Variants in UBAC2 observed in about 807,000 individuals in gnomAD.
UBAC2 encodes UBA domain containing 2.
A neutral mutation model predicts 44.0 loss-of-function variants in UBAC2; 26 were observed. The ratio of observed to expected loss-of-function variants is 0.59; its 90% CI spans 0.43 to 0.82. UBAC2 has a LOEUF of 0.82. Among genes scored for constraint, UBAC2 ranks in the 40% least tolerant of loss-of-function variants. The probability of loss-of-function intolerance (pLI) is 0.00; values close to 1 mark genes in which losing one functional copy is unlikely to be tolerated. For synonymous variants in UBAC2, 155 were observed against 154.3 expected, an observed-to-expected ratio of 1.00 and a Z score of -0.04; for missense variants, 329 against 419.4, an observed-to-expected ratio of 0.78 and a Z score of 1.88.
At chr13:99,264,134 A>ACC (rs879780928) in intron 4 of UBAC2, among the ~76,000 whole-genome samples, 1 of 152,060 alleles carries the variant, frequency 6.6e-6, no homozygotes, top group African/African-American at 2.4e-5. Flanking sequence ...GGAAGGAGAG[A>ACC]CCCCAGTCAA....
chr13:99,268,867 T>G (rs1400010720), intron 4 of UBAC2, among the ~76,000 whole-genome samples: 1 of 151,978 alleles, frequency 6.6e-6, no homozygotes, highest in African/African-American at 2.4e-5. Flanking sequence ...AGATGGAGAT[T>G]GGCCATGGGA....
intron 4 of UBAC2, among the ~76,000 whole-genome samples, chr13:99,291,486 TC>T (rs1377593687): frequency 6.6e-6 from 1 of 152,140 alleles, no homozygotes. Context: ...ATTACAATGG[TC>T]CAAAAAGTAA....
intron 1 of UBAC2, among the ~76,000 whole-genome samples, chr13:99,234,104 T>C (rs2043206402): frequency 6.6e-6 from 1 of 151,694 alleles, no homozygotes; most frequent in African/African-American, 2.4e-5. Context: ...TCAGCGGTTT[T>C]CCTAGATTGA....
chr13:99,262,797 C>G (rs945596273), intron 4 of UBAC2, among the ~76,000 whole-genome samples: 1 of 144,588 alleles, frequency 6.9e-6, no homozygotes, highest in Admixed American at 7.0e-5. Flanking sequence ...TAAACATAAA[C>G]CTATATAATA....
intron 6 of UBAC2, among the ~76,000 whole-genome samples, chr13:99,323,187 G>A (rs1021944918): frequency 6.6e-6 from 1 of 152,036 alleles, no homozygotes; most frequent in Non-Finnish European, 1.5e-5. Context: ...TGACCAAAGA[G>A]TGGTATAGGT....
In UBAC2 at chr13:99,355,992, A is replaced by G. The variant is rs544468502; in HGVS notation, c.808-11795A>G. On this transcript the variant is annotated intron_variant, in intron 7 of 8. Coordinates refer to ENST00000403766, the MANE Select transcript of UBAC2 (RefSeq NM_001144072.2). ...GAAAACCTGTCTCTCTTGGGTTTGCAGCTGCTGTTGAAACCAACTGAACCT... is the reference window on the plus strand; with the variant it reads ...GAAAACCTGTCTCTCTTGGGTTTGCGGCTGCTGTTGAAACCAACTGAACCT... The G allele has an allele frequency of 2.6e-5, 10 of 385,302 alleles. 1 individual carries two copies. The highest frequency in any genetic ancestry group is 1.9e-4 in the South Asian group (10 of 51,598). 23.9% of individuals were successfully genotyped at this position (385,302 alleles called of 1,614,324 possible). A position where few individuals can be genotyped will look rare whatever the true frequency, so the allele number is the denominator to read the frequency against.
At chr13:99,319,985 C>T (rs1453150075) in intron 6 of UBAC2, among the ~76,000 whole-genome samples, 1 of 152,166 alleles carries the variant, frequency 6.6e-6, no homozygotes, top group Non-Finnish European at 1.5e-5. Context: ...TTTCCAAAAG[C>T]ATTCAAATAT....
chr13:99,303,056 C>T (rs767731282), intron 4 of UBAC2, among the ~76,000 whole-genome samples: 5 of 152,078 alleles, frequency 3.3e-5, no homozygotes, highest in Non-Finnish European at 5.9e-5. Flanking sequence ...TGTGACTAGC[C>T]GAGGGGCTTA....
intron 4 of UBAC2, among the ~76,000 whole-genome samples, chr13:99,287,254 A>G (rs913554367): frequency 7.2e-5 from 11 of 151,990 alleles, no homozygotes; most frequent in Admixed American, 5.9e-4. Context: ...CAGTATCTCT[A>G]CGGGCCTCCC....
intron 6 of UBAC2, among the ~76,000 whole-genome samples, chr13:99,323,693 C>G (rs968173457): frequency 6.6e-6 from 1 of 152,236 alleles, no homozygotes; most frequent in Non-Finnish European, 1.5e-5. Context: ...CTCCCTCCCT[C>G]TCTATGCTAC....
chr13:99,223,901 AAT>A lies in UBAC2; in HGVS notation c.32-14522_32-14521del, dbSNP rs370836811. On this transcript the variant is annotated intron_variant, in intron 1 of 8. Transcript: ENST00000403766. ...TTTTTGAGGACTCTTTTATGCCCAGAATATAGTCTATTTTGGTGAATGCTCCA... is the reference window on the plus strand; with the variant it reads ...TTTTTGAGGACTCTTTTATGCCCAGAATAGTCTATTTTGGTGAATGCTCCA... 3.8e-3 allele frequency among the ~76,000 whole-genome samples: 575 copies of A among 152,216 alleles called. 6 individuals are homozygous for A. Among genetic ancestry groups the A allele is most frequent in the South Asian group, 0.011 (52 of 4,828 alleles).
At chr13:99,383,663 G>A (rs546236624) in intron 8 of UBAC2, among the ~76,000 whole-genome samples, 4 of 152,382 alleles carry the variant, frequency 2.6e-5, no homozygotes, top group Non-Finnish European at 5.9e-5. Flanking sequence ...TGAAAGCAAC[G>A]TTCCGGGGAG....
intron 7 of UBAC2, among the ~76,000 whole-genome samples, chr13:99,367,265 C>T (rs1440336869): frequency 6.6e-6 from 1 of 152,224 alleles, no homozygotes; most frequent in Non-Finnish European, 1.5e-5. Context: ...TCACAGTCTG[C>T]AGTCTTCCTC....
At chr13:99,316,245 C>T (rs1268621819) in intron 5 of UBAC2, among the ~76,000 whole-genome samples, 1 of 152,016 alleles carries the variant, frequency 6.6e-6, no homozygotes, top group East Asian at 1.9e-4. Flanking sequence ...TTCTTCTTGA[C>T]TGTCTGGTGT....
In UBAC2 at chr13:99,223,813, G is replaced by T. The variant is rs535718214; in HGVS notation, c.32-14614G>T. On this transcript the variant is annotated intron_variant, in intron 1 of 8. Transcript: ENST00000403766. ...TTGGGGGATTTTCCATCTTTCTGCTGTTGGCTTCTGATTTTTTTGTGGCCA... is the reference window on the plus strand; with the variant it reads ...TTGGGGGATTTTCCATCTTTCTGCTTTTGGCTTCTGATTTTTTTGTGGCCA... 5.9e-5 allele frequency among the ~76,000 whole-genome samples: 9 copies of T among 152,060 alleles called. No individual in the cohort carries two copies. The South Asian group carries it at 1.9e-3, about 32-fold the overall frequency.
At chr13:99,333,254 G>T (rs1022810539) in intron 6 of UBAC2, among the ~76,000 whole-genome samples, 7 of 152,196 alleles carry the variant, frequency 4.6e-5, no homozygotes, top group African/African-American at 1.7e-4. Flanking sequence ...ATAGACTAGG[G>T]TTTTAAGCAC....
chr13:99,274,353 A>T (rs1188367455), intron 4 of UBAC2, among the ~76,000 whole-genome samples: 8 of 150,126 alleles, frequency 5.3e-5, no homozygotes, highest in Non-Finnish European at 1.0e-4. Flanking sequence ...TTTTCTTGAG[A>T]TAGGGTCTTG....
intron 6 of UBAC2, among the ~76,000 whole-genome samples, chr13:99,334,705 C>T (rs1216025374): frequency 6.6e-6 from 1 of 151,422 alleles, no homozygotes; most frequent in Non-Finnish European, 1.5e-5. Flanking sequence ...CACAAAAGAA[C>T]GTAGGAAAGG....
chr13:99,280,311 C>T (rs2043935419), intron 4 of UBAC2, among the ~76,000 whole-genome samples: 1 of 152,210 alleles, frequency 6.6e-6, no homozygotes. Flanking sequence ...AGCTAAATTG[C>T]ATTACTCACT....
Sources: gnomAD v4.1 joint callset for allele counts (sites outside exome capture counted in the v4.1 genomes callset) on GRCh38, gnomAD v4.1.1 for gene constraint, MANE v1.5 for transcripts, NCBI Gene and HGNC (gene_info 2026-07-23, HGNC 2026-07-21) for gene names.